Variants in TCF7L2 observed in about 807,000 individuals in gnomAD.
TCF7L2 encodes the protein transcription factor 7-like 2.
A neutral mutation model predicts 77.9 loss-of-function variants in TCF7L2; 23 were observed. The ratio of observed to expected loss-of-function variants is 0.30; its 90% CI spans 0.21 to 0.42. The LOEUF (loss-of-function observed/expected upper bound fraction) is 0.42, where lower values mean the gene tolerates loss of function less well. Among genes scored for constraint, TCF7L2 ranks in the 10% least tolerant of loss-of-function variants. TCF7L2 has a pLI of 1.00. For synonymous variants in TCF7L2, 413 were observed against 340.2 expected (o/e 1.21, Z -2.36); for missense variants, 654 against 793.1 (o/e 0.82, Z 2.11).
intron 4 of TCF7L2, among the ~76,000 whole-genome samples, chr10:113,000,927 G>A (rs2044351700): frequency 6.6e-6 from 1 of 152,116 alleles, no homozygotes; most frequent in Non-Finnish European, 1.5e-5. Context: ...TCACTTCCCG[G>A]CCTTCCACTG....
chr10:113,145,972 CTTGTTTCAAGTCTCTTACTTTGTA>C lies in TCF7L2; in HGVS notation c.789-38_789-15del. On this transcript the variant is annotated splice_polypyrimidine_tract_variant and intron_variant, in intron 7 of 13. Coordinates refer to ENST00000627217, the MANE Select transcript of TCF7L2 (RefSeq NM_001146274.2). ...TCTTTTTCTTGTCCCCACCCCCACC[CTTGTTTCAAGTCTCTTACTTTGTA>C]CCCCTTCTTTGTAGGCAAGGTCAAC... is the stretch of plus-strand genomic sequence containing the variant. 1 of 1,342,578 alleles carries C rather than the reference CTTGTTTCAAGTCTCTTACTTTGTA, an allele frequency of 7.4e-7. No individual in the cohort carries two copies. 83.2% of individuals were successfully genotyped at this position (1,342,578 alleles called of 1,614,324 possible).
intron 11 of TCF7L2, among the ~76,000 whole-genome samples, chr10:113,154,095 G>T (rs1037761170): frequency 6.6e-6 from 1 of 152,220 alleles, no homozygotes; most frequent in East Asian, 1.9e-4. Flanking sequence ...GCTTGCACGG[G>T]GTCTCCACTG....
intron 5 of TCF7L2, among the ~76,000 whole-genome samples, chr10:113,054,281 G>A (rs553058529): frequency 2.6e-5 from 4 of 152,358 alleles, no homozygotes; most frequent in African/African-American, 9.6e-5. Context: ...TTTCTGGTAA[G>A]TTACAATGGA....
In TCF7L2 at chr10:112,964,626, T is replaced by C. The variant is rs1316649893; in HGVS notation, c.450+2T>C. 1.2e-6 allele frequency: 2 copies of C among 1,612,326 alleles called. No homozygotes were observed. The highest frequency in any genetic ancestry group is 1.1e-5 in the South Asian group (1 of 91,074). On this transcript the variant is annotated splice_donor_variant, in intron 4 of 13. Coordinates refer to ENST00000627217, the MANE Select transcript of TCF7L2 (RefSeq NM_001146274.2). LOFTEE classifies it high-confidence loss of function. ...ATTGAACACCAGATTGCAGTTCAGGTAGGAAACGCAAGAGATTCTGAAGCT... is the reference window on the plus strand; with the variant it reads ...ATTGAACACCAGATTGCAGTTCAGGCAGGAAACGCAAGAGATTCTGAAGCT...
chr10:113,165,426 G>A (rs933660059), intron 13 of TCF7L2, 129 bp from the exon 15 acceptor site: 67 of 1,034,776 alleles, frequency 6.5e-5, no homozygotes, highest in East Asian at 2.2e-4. Flanking sequence ...AATTGTCCTC[G>A]GACCACTGGG....
intron 5 of TCF7L2, among the ~76,000 whole-genome samples, chr10:113,056,045 T>G (rs1257678927): frequency 2.0e-5 from 3 of 152,198 alleles, no homozygotes; most frequent in African/African-American, 7.2e-5. Context: ...TCTGGAAAAC[T>G]TGAAAGTGCT....
At chr10:113,102,336 T>G (rs2061756195) in intron 5 of TCF7L2, among the ~76,000 whole-genome samples, 1 of 151,982 alleles carries the variant, frequency 6.6e-6, no homozygotes, top group African/African-American at 2.4e-5. Context: ...TATCTTTACT[T>G]ATTAGTAGAT....
At chr10:112,969,688 T>C (rs1038288924) in intron 4 of TCF7L2, among the ~76,000 whole-genome samples, 1 of 152,240 alleles carries the variant, frequency 6.6e-6, no homozygotes. Flanking sequence ...TTGCCCAAGC[T>C]CCGGTGCAGG....
At chr10:113,052,361 G>A (rs2054622493) in intron 5 of TCF7L2, among the ~76,000 whole-genome samples, 1 of 152,172 alleles carries the variant, frequency 6.6e-6, no homozygotes, top group African/African-American at 2.4e-5. Flanking sequence ...GTAAGAGGCT[G>A]TAGAGGTGTC....
intron 5 of TCF7L2, among the ~76,000 whole-genome samples, chr10:113,121,164 A>G (rs987641795): frequency 3.3e-5 from 5 of 152,210 alleles, no homozygotes; most frequent in Admixed American, 6.5e-5. Context: ...ACATGTTTCA[A>G]CTGAATGAAA....
intron 3 of TCF7L2, among the ~76,000 whole-genome samples, chr10:112,962,528 T>C (rs1248349052): frequency 6.6e-6 from 1 of 152,184 alleles, no homozygotes; most frequent in Non-Finnish European, 1.5e-5. Context: ...TGGCAGTTTT[T>C]ACACAAAGGA....
intron 4 of TCF7L2, among the ~76,000 whole-genome samples, chr10:113,024,575 C>T (rs1194234977): frequency 6.6e-6 from 1 of 151,238 alleles, no homozygotes; most frequent in Non-Finnish European, 1.5e-5. Context: ...GGGATGGGAC[C>T]CAAATCTGAA....
At chr10:112,964,814 G>GTGGTGGTGATGGTGGTGGTGGT in intron 4 of TCF7L2, among the ~76,000 whole-genome samples, 190 bp downstream of exon 4, 1 of 116,178 alleles carries the variant, frequency 8.6e-6, no homozygotes, top group African/African-American at 4.7e-5. Context: ...GGTGGTGGTG[G>GTGGTGGTGATGGTGGTGGTGGT]GGGGGGGTTG....
chr10:113,023,674 T>A lies in TCF7L2; in HGVS notation c.451-16351T>A, dbSNP rs191680899. 2.2e-4 allele frequency among the ~76,000 whole-genome samples: 34 copies of A among 151,894 alleles called. No homozygotes were observed. The East Asian group carries it at 6.1e-3, about 27-fold the overall frequency. ...GTTTTATTTTATTTTATTTATTTTT[T>A]AATTTTTTTTTTGAGACGGAGTCTC... is the stretch of plus-strand genomic sequence containing the variant. On this transcript the variant is annotated intron_variant, in intron 4 of 13. Coordinates refer to ENST00000627217, the MANE Select transcript of TCF7L2 (RefSeq NM_001146274.2).
chr10:113,010,508 A>G (rs12220336), intron 4 of TCF7L2, among the ~76,000 whole-genome samples: 1 of 152,300 alleles, frequency 6.6e-6, no homozygotes, highest in East Asian at 1.9e-4. Context: ...TCTTCCAAGC[A>G]TTTTACCTGC....
intron 4 of TCF7L2, 69 bp from the exon 5 acceptor site, chr10:113,039,956 G>T: frequency 7.5e-7 from 1 of 1,330,008 alleles, no homozygotes; most frequent in Non-Finnish European, 1.1e-6. Flanking sequence ...GTTATTTCTT[G>T]GGCTAGTTGT....
chr10:113,045,411 A>G (rs2053259893), intron 5 of TCF7L2, among the ~76,000 whole-genome samples: 1 of 152,214 alleles, frequency 6.6e-6, no homozygotes, highest in East Asian at 1.9e-4. Flanking sequence ...CAACCACTGC[A>G]GAGAAGCTGG....
chr10:113,024,243 A>G (rs1276174228), intron 4 of TCF7L2, among the ~76,000 whole-genome samples: 2 of 152,094 alleles, frequency 1.3e-5, no homozygotes, highest in African/African-American at 4.8e-5. Context: ...GATTGCAGTG[A>G]GCCAAGATCA....
intron 3 of TCF7L2, among the ~76,000 whole-genome samples, chr10:112,960,750 C>T (rs974776121): frequency 3.3e-5 from 5 of 150,954 alleles, no homozygotes; most frequent in African/African-American, 4.9e-5. Context: ...TGCAGTGGTG[C>T]GATCTTGGCT....
Sources: allele counts gnomAD v4.1 joint callset (sites outside exome capture counted in the v4.1 genomes callset), GRCh38; gene constraint gnomAD v4.1.1; transcripts MANE v1.5; gene names NCBI Gene and HGNC (gene_info 2026-07-23, HGNC 2026-07-21).